Variants in SPART observed in about 807,000 individuals in gnomAD.
The protein encoded by SPART is spastic paraplegia 20 (Troyer syndrome).
In SPART, 35 loss-of-function variants were observed where a neutral mutation model predicts 58.7. The ratio of observed to expected loss-of-function variants is 0.60; its 90% CI spans 0.46 to 0.79. The LOEUF (loss-of-function observed/expected upper bound fraction) is 0.79, where lower values mean the gene tolerates loss of function less well. Ranked by LOEUF, SPART falls within the 30% of genes least tolerant of loss-of-function variation. SPART has a pLI of 0.00. For synonymous variants in SPART, 284 were observed against 280.7 expected, an observed-to-expected ratio of 1.01 and a Z score of -0.12; for missense variants, 730 against 786.1, an observed-to-expected ratio of 0.93 and a Z score of 0.85.
At chr13:36,363,544 A>G (rs9547461) in intron 1 of SPART, among the ~76,000 whole-genome samples, 125,106 of 152,000 alleles carry the variant, frequency 0.82, 51,719 homozygotes, top group African/African-American at 0.9. Context: ...TTTATTGACC[A>G]GAGGCAGATT....
intron 2 of SPART, among the ~76,000 whole-genome samples, chr13:36,333,429 ATTTTT>A (rs34312130): frequency 7.6e-5 from 10 of 132,320 alleles, no homozygotes; most frequent in Non-Finnish European, 1.6e-4. Flanking sequence ...TTATTATTGT[ATTTTT>A]TTTTTTTTTT....
intron 4 of SPART, among the ~76,000 whole-genome samples, chr13:36,327,587 CATT>C (rs1486915082): frequency 2.0e-5 from 3 of 152,012 alleles, no homozygotes; most frequent in East Asian, 1.9e-4. Flanking sequence ...AGGAACAAAA[CATT>C]ATGTTTTACA....
At chr13:36,353,545 C>A (rs890423398) in intron 1 of SPART, among the ~76,000 whole-genome samples, 1 of 151,968 alleles carries the variant, frequency 6.6e-6, no homozygotes, top group African/African-American at 2.4e-5. Flanking sequence ...TTAGAAAGGC[C>A]CTATTATAGC....
At chr13:36,331,356 T>G in intron 3 of SPART, 43 bp downstream of exon 3, 1 of 1,559,236 alleles carries the variant, frequency 6.4e-7, no homozygotes. Context: ...GTGCTTATGT[T>G]AAAGTAGATT....
intron 6 of SPART, among the ~76,000 whole-genome samples, chr13:36,313,694 A>G (rs1488030170): frequency 6.6e-6 from 1 of 152,258 alleles, no homozygotes. Flanking sequence ...GTACAGTCAC[A>G]TGGTGTATAG....
chr13:36,321,678 T>C (rs1265381582), intron 5 of SPART, among the ~76,000 whole-genome samples: 1 of 151,980 alleles, frequency 6.6e-6, no homozygotes, highest in African/African-American at 2.4e-5. Flanking sequence ...CAAAAATTTT[T>C]GCTGCCCCAA....
Position 36,329,362 on chromosome 13 carries a change from C to A in SPART, c.1164G>T (p.Arg388Ser). The change falls in exon 4 of 9, where the codon AGG becomes AGT. Residue 388 changes from arginine to serine, a missense_variant and splice_region_variant. Coordinates refer to ENST00000438666, the MANE Select transcript of SPART (RefSeq NM_015087.5). ...DVRHKGKRGKRAKDTSSEEVN... is the reference protein window; with the variant it reads ...DVRHKGKRGKSAKDTSSEEVN... ...ACACACTTATTACTCTTTTATTTAC[C>A]CTTTTTCCACGTTTTCCTTTATGAC... The A allele has an allele frequency of 6.2e-7, 1 of 1,614,030 alleles. No homozygotes were observed. Among genetic ancestry groups the A allele is most frequent in the Non-Finnish European group, 8.5e-7 (1 of 1,179,966 alleles).
At chr13:36,344,577 T>C (rs973051045) in intron 1 of SPART, among the ~76,000 whole-genome samples, 4 of 152,196 alleles carry the variant, frequency 2.6e-5, no homozygotes, top group African/African-American at 9.7e-5. Context: ...AAGGTTTATA[T>C]TAAAATATCA....
intron 5 of SPART, among the ~76,000 whole-genome samples, chr13:36,319,527 T>C (rs1309424571): frequency 6.6e-6 from 1 of 151,876 alleles, no homozygotes; most frequent in Non-Finnish European, 1.5e-5. Context: ...CTCCTTAAAA[T>C]TCCCCCATTT....
intron 1 of SPART, chr13:36,368,499 T>G (rs140479469): frequency 1.9e-5 from 3 of 160,028 alleles, no homozygotes; most frequent in African/African-American, 7.2e-5. Context: ...TCCTAGTAGA[T>G]TGCATGCAAG....
intron 8 of SPART, among the ~76,000 whole-genome samples, chr13:36,306,456 A>G (rs138816670): frequency 1.3e-5 from 2 of 152,294 alleles, no homozygotes; most frequent in Admixed American, 1.3e-4. Flanking sequence ...TGTGAGCTAC[A>G]ATGAAGTGAC....
At chr13:36,307,593 T>G (rs2137276695) in intron 8 of SPART, among the ~76,000 whole-genome samples, 1 of 152,164 alleles carries the variant, frequency 6.6e-6, no homozygotes, top group African/African-American at 2.4e-5. Flanking sequence ...CAAAGCTATA[T>G]TATTATTCTT....
At chr13:36,320,676 A>C (rs915316823) in intron 5 of SPART, among the ~76,000 whole-genome samples, 1 of 152,110 alleles carries the variant, frequency 6.6e-6, no homozygotes, top group East Asian at 1.9e-4. Context: ...AATTAGCTTT[A>C]CTCAACATGC....
chr13:36,331,434 C>A lies in SPART; in HGVS notation c.973G>T (p.Asp325Tyr), dbSNP rs771156761. Residue 325 changes from aspartate (D) to tyrosine (Y), a missense_variant, in exon 3 of 9, where the codon GAT (aspartate) becomes TAT (tyrosine). Transcript: ENST00000438666. ...AGGTCAGACATTTGCCTTAACAGAT[C>A]CTCAAAGAGCTCTCTATCATCCTCT... is the stretch of plus-strand genomic sequence containing the variant. ...LPEDDRELFEDLLRQMSDLRL... is the reference protein window; with the variant it reads ...LPEDDRELFEYLLRQMSDLRL... 1 of 1,613,988 alleles carries A rather than the reference C, an allele frequency of 6.2e-7. No individual in the cohort carries two copies. The highest frequency in any genetic ancestry group is 2.2e-5 in the East Asian group (1 of 44,866).
At chr13:36,322,102 G>C (rs1002497818) in intron 5 of SPART, among the ~76,000 whole-genome samples, 15 of 151,868 alleles carry the variant, frequency 9.9e-5, no homozygotes, top group East Asian at 9.7e-4. Context: ...TTCTCTTTTC[G>C]GACTCAGCCC....
At position 36,335,477 on chromosome 13, in the gene SPART, T is replaced by C. The variant is rs768042653; in HGVS notation, c.354A>G (p.Pro118=). ...GTAATTTTTCACACATGTCTTTAGG[T>C]GGAAATTCTGGATATAACTTGGGCA... ...QEVPKLYPEF[P]PKDMCEKLPE... Residue 118 remains proline, a synonymous_variant, in exon 2 of 9, where the codon CCA becomes CCG. Transcript: ENST00000438666. 2.5e-6 allele frequency: 4 copies of C among 1,614,116 alleles called. No homozygotes were observed. The South Asian group carries it at 4.4e-5, about 18-fold the overall frequency.
At position 36,312,366 on chromosome 13, in the gene SPART, T is replaced by C; in HGVS notation, c.1595A>G (p.Lys532Arg). 1 of 1,614,116 alleles carries C rather than the reference T, an allele frequency of 6.2e-7. No homozygotes were observed. Among genetic ancestry groups the C allele is most frequent in the Non-Finnish European group, 8.5e-7 (1 of 1,180,010 alleles). Residue 532 changes from lysine to arginine, a missense_variant, in exon 7 of 9, where the codon AAA (lysine) becomes AGA (arginine). Lys to Arg is a conservative substitution (Grantham distance 26). Transcript: ENST00000438666. The stretch of plus-strand genomic sequence containing the variant: ...AACCATAGCACCATCCAGAGGAGAT[T>C]TCCCATCTTTGTCTTTTTTAAGAGA... ...PESLKKDKDGKSPLDGAMVVA... is the reference protein window; with the variant it reads ...PESLKKDKDGRSPLDGAMVVA...
intron 8 of SPART, among the ~76,000 whole-genome samples, chr13:36,309,880 AAT>A (rs1880914801): frequency 6.6e-6 from 1 of 152,190 alleles, no homozygotes; most frequent in African/African-American, 2.4e-5. Flanking sequence ...AATCTATAAT[AAT>A]AGTTGAAATT....
chr13:36,358,120 G>GAA (rs202241961), intron 1 of SPART, among the ~76,000 whole-genome samples: 2 of 149,910 alleles, frequency 1.3e-5, no homozygotes, highest in African/African-American at 4.9e-5. Flanking sequence ...ACTATTCATA[G>GAA]AAAAAAAAAG....
Sources: allele counts gnomAD v4.1 joint callset (sites outside exome capture counted in the v4.1 genomes callset), GRCh38; gene constraint gnomAD v4.1.1; transcripts MANE v1.5; gene names NCBI Gene and HGNC (gene_info 2026-07-23, HGNC 2026-07-21).